FNIP1: variants seen among roughly 807,000 people sequenced by gnomAD.
FNIP1 encodes folliculin-interacting protein 1.
FNIP1 carries 40 observed loss-of-function variants against 124.5 expected under a neutral mutation model. The observed-to-expected ratio is 0.32, with a 90% CI of 0.25 to 0.42. The LOEUF is 0.42. Among genes scored for constraint, FNIP1 ranks in the 10% least tolerant of loss-of-function variants. The pLI is 1.00. For synonymous variants in FNIP1, 472 were observed against 470.6 expected (o/e 1.00, Z -0.04); for missense variants, 1,176 against 1,403.7 (o/e 0.84, Z 2.59).
At chr5:131,751,598 C>T (rs1190971132) in intron 1 of FNIP1, among the ~76,000 whole-genome samples, 1 of 143,534 alleles carries the variant, frequency 7.0e-6, no homozygotes, top group East Asian at 2.1e-4. Context: ...GAAGAAAAAA[C>T]AAATGTGCTT....
intron 2 of FNIP1, 90 bp downstream of exon 2, chr5:131,744,474 C>A: frequency 7.8e-7 from 1 of 1,279,150 alleles, no homozygotes; most frequent in Non-Finnish European, 1.1e-6. Context: ...TCATTTCCTT[C>A]TCCCTCAGCC....
intron 15 of FNIP1, among the ~76,000 whole-genome samples, chr5:131,659,080 G>T (rs1050886877): frequency 9.9e-5 from 15 of 152,166 alleles, no homozygotes; most frequent in African/African-American, 3.6e-4. Flanking sequence ...GGAGAGGCCA[G>T]ACTCATCATA....
chr5:131,693,148 T>C (rs546631566), intron 11 of FNIP1, among the ~76,000 whole-genome samples: 2 of 149,970 alleles, frequency 1.3e-5, no homozygotes, highest in Admixed American at 1.3e-4. Flanking sequence ...AAAATGATAA[T>C]TACGTGAGGT....
chr5:131,683,979 G>T, intron 11 of FNIP1, among the ~76,000 whole-genome samples: 1 of 152,050 alleles, frequency 6.6e-6, no homozygotes, highest in Admixed American at 6.6e-5. Context: ...TAAACTCATG[G>T]CTGACAGCAC....
intron 1 of FNIP1, among the ~76,000 whole-genome samples, chr5:131,783,027 C>T (rs1772047702): frequency 6.6e-6 from 1 of 152,230 alleles, no homozygotes; most frequent in Non-Finnish European, 1.5e-5. Flanking sequence ...AATGCTACTA[C>T]ACACTTAACA....
At chr5:131,769,155 G>T (rs573899260) in intron 1 of FNIP1, among the ~76,000 whole-genome samples, 1 of 152,010 alleles carries the variant, frequency 6.6e-6, no homozygotes, top group Non-Finnish European at 1.5e-5. Flanking sequence ...GCAACAAATG[G>T]CAGAAAGAGA....
chr5:131,782,598 G>C (rs1772031871), intron 1 of FNIP1, among the ~76,000 whole-genome samples: 1 of 151,324 alleles, frequency 6.6e-6, no homozygotes, highest in South Asian at 2.1e-4. Flanking sequence ...AAAAGAGAAA[G>C]GAAGGAAGGG....
chr5:131,741,577 T>C (rs1245337119), intron 2 of FNIP1, among the ~76,000 whole-genome samples: 3 of 152,242 alleles, frequency 2.0e-5, no homozygotes, highest in Non-Finnish European at 2.9e-5. Flanking sequence ...ATATTCTTCA[T>C]TGACAATTCT....
At chr5:131,663,009 CTGGGATTA>C (rs1357605248) in intron 15 of FNIP1, among the ~76,000 whole-genome samples, 1 of 152,118 alleles carries the variant, frequency 6.6e-6, no homozygotes, top group Non-Finnish European at 1.5e-5. Context: ...TCCCAAAGTG[CTGGGATTA>C]CAGGTGTGAG....
chr5:131,750,188 A>C (rs1419831713), intron 1 of FNIP1, among the ~76,000 whole-genome samples: 1 of 152,142 alleles, frequency 6.6e-6, no homozygotes, highest in East Asian at 1.9e-4. Context: ...AGGCTATGGA[A>C]ATGGAGTATA....
In FNIP1 at chr5:131,716,613, A is replaced by C; in HGVS notation, c.574T>G (p.Leu192Val). The C allele has an allele frequency of 6.8e-6, 11 of 1,607,340 alleles. No homozygotes were observed. The highest frequency in any genetic ancestry group is 9.3e-6 in the Non-Finnish European group (11 of 1,177,188). ...LEFINQDNNT[L>V]KADNNTVING... Reference sequence around the variant, plus strand: ...ATAACTGTGTTATTATCAGCCTTTAATGTATTGTTGTCCTGATTGATGAAT... The same window carrying C: ...ATAACTGTGTTATTATCAGCCTTTACTGTATTGTTGTCCTGATTGATGAAT... The change falls in exon 6 of 18, where the codon TTA (leucine) becomes GTA (valine). Residue 192 changes from leucine to valine, a missense_variant. Around this residue, in one of 2 missense-constraint regions of FNIP1, gnomAD observed 1,109 missense variants for 1,288.5 expected, o/e 0.86. Coordinates refer to ENST00000510461, the MANE Select transcript of FNIP1 (RefSeq NM_133372.3).
chr5:131,705,688 G>A (rs1015032318), intron 9 of FNIP1, among the ~76,000 whole-genome samples: 3 of 152,084 alleles, frequency 2.0e-5, no homozygotes, highest in Non-Finnish European at 4.4e-5. Flanking sequence ...CAGCGTGACA[G>A]TTCCTCACAA....
At position 131,710,569 on chromosome 5, in the gene FNIP1, A is replaced by G; in HGVS notation, c.706+9T>C. The G allele has an allele frequency of 6.2e-7, 1 of 1,613,184 alleles. No individual in the cohort carries two copies. Among genetic ancestry groups the G allele is most frequent in the Non-Finnish European group, 8.5e-7 (1 of 1,179,766 alleles). On this transcript the variant is annotated intron_variant, in intron 7 of 17. Transcript: ENST00000510461. ...ACCAACTAGTCTACCCACACAGCAC[A>G]TCGCAAACCTGCAAAGAAAGAGGCG... is the stretch of plus-strand genomic sequence containing the variant.
Position 131,781,851 on chromosome 5 carries a change from G to GA in FNIP1, c.92+14978dup, listed in dbSNP as rs545536093. ...ATTAAGAAATACATTTTAGGAAAAA[G>GA]AAAAAAAAAAGAAATACATTTTAGG... On this transcript the variant is annotated intron_variant, in intron 1 of 17. Transcript: ENST00000510461. Among the ~76,000 whole-genome samples, 1,458 of 147,284 alleles carry GA rather than the reference G, an allele frequency of 9.9e-3. 8 individuals carry two copies. Among genetic ancestry groups the GA allele is most frequent in the African/African-American group, 0.014 (565 of 40,168 alleles).
At position 131,717,274 on chromosome 5, in the gene FNIP1, GA is replaced by G. The variant is rs575039327; in HGVS notation, c.531-619del. Among the ~76,000 whole-genome samples the G allele has an allele frequency of 5.3e-4, 81 of 152,180 alleles. 1 individual carries two copies. In the South Asian group the frequency reaches 0.017, roughly 31 times the overall value. On this transcript the variant is annotated intron_variant, in intron 5 of 17. Transcript: ENST00000510461. Reference sequence around the variant, plus strand: ...GTCCTTGTGATAGTTTGCTGAGAATGACGGTTTCCAGCTTCATCCATGTCCC... The same window carrying G: ...GTCCTTGTGATAGTTTGCTGAGAATGCGGTTTCCAGCTTCATCCATGTCCC...
intron 15 of FNIP1, among the ~76,000 whole-genome samples, chr5:131,653,659 T>C (rs918749222): frequency 6.6e-6 from 1 of 152,170 alleles, no homozygotes; most frequent in East Asian, 1.9e-4. Context: ...GTATTGAAGA[T>C]CTCTGTGAAG....
Position 131,661,217 on chromosome 5 carries a change from G to GTT in FNIP1, c.3109-9220_3109-9219dup, listed in dbSNP as rs34731837. 1.1e-4 allele frequency among the ~76,000 whole-genome samples: 5 copies of GTT among 47,186 alleles called. No homozygotes were observed. The South Asian group carries it at 3.4e-3, about 32-fold the overall frequency. The allele number at this position is 47,186 out of a possible 152,430, so 31.0% of individuals were successfully genotyped here. A position where few individuals can be genotyped will look rare whatever the true frequency, so the allele number is the denominator to read the frequency against. ...GAGACCTTCTGTCCGTCTTGTCTTT[G>GTT]TTTTGTGTGTGTGTGTGTGTGTGTG... On this transcript the variant is annotated intron_variant, in intron 15 of 17. Coordinates refer to ENST00000510461, the MANE Select transcript of FNIP1 (RefSeq NM_133372.3).
At chr5:131,732,015 T>C (rs1447760536) in intron 2 of FNIP1, among the ~76,000 whole-genome samples, 1 of 152,234 alleles carries the variant, frequency 6.6e-6, no homozygotes, top group East Asian at 1.9e-4. Context: ...CAGATGGTTG[T>C]GCAGTCTAGT....
intron 11 of FNIP1, among the ~76,000 whole-genome samples, chr5:131,698,528 G>C (rs1042219118): frequency 1.3e-5 from 2 of 152,152 alleles, no homozygotes; most frequent in South Asian, 2.1e-4. Context: ...AATATCAAGT[G>C]CATGTTCCTT....
Sources: gnomAD v4.1 joint callset for allele counts (sites outside exome capture counted in the v4.1 genomes callset) on GRCh38, gnomAD v4.1.1 for gene constraint, gnomAD v4.1.1 regional missense constraint, MANE v1.5 for transcripts, NCBI Gene and HGNC (gene_info 2026-07-23, HGNC 2026-07-21) for gene names.